FURIN: variants seen among roughly 807,000 people sequenced by gnomAD.
FURIN encodes furin, paired basic amino acid cleaving enzyme, also known as FES upstream region.
Under a neutral mutation model 89.2 loss-of-function variants are expected in FURIN, and 18 were observed. That is an observed-to-expected ratio of 0.20 (90% CI 0.14 to 0.30). FURIN has a LOEUF of 0.30. Among genes scored for constraint, FURIN ranks in the 10% least tolerant of loss-of-function variants. The pLI is 1.00. For missense variants in FURIN, 879 were observed against 1,100.5 expected (o/e 0.80, Z 2.85); for synonymous variants, 508 against 466.4 (o/e 1.09, Z -1.15).
chr15:90,874,366 A>C (rs2031488990), intron 1 of FURIN, among the ~76,000 whole-genome samples: 1 of 152,210 alleles, frequency 6.6e-6, no homozygotes, highest in Non-Finnish European at 1.5e-5. Context: ...GTGGGCGTGG[A>C]GCAAGCAAGG....
At chr15:90,878,056 G>A in intron 7 of FURIN, 76 bp from the exon 8 acceptor site, 1 of 1,451,662 alleles carries the variant, frequency 6.9e-7, no homozygotes, top group Non-Finnish European at 9.6e-7. Flanking sequence ...GCAGGGCTGG[G>A]TGTGCTCCTT....
rs924237054 is a variant in FURIN, at chr15:90,876,199, G to A, written c.178-56G>A. 2.1e-5 allele frequency: 25 copies of A among 1,175,672 alleles called. No individual in the cohort carries two copies. The highest frequency in any genetic ancestry group is 1.5e-4 in the African/African-American group (6 of 39,468). The allele number at this position is 1,175,672 out of a possible 1,614,324, so 72.8% of individuals were successfully genotyped here. On this transcript the variant is annotated intron_variant, in intron 2 of 15. Coordinates refer to ENST00000268171, the MANE Select transcript of FURIN (RefSeq NM_002569.4). This position sits in a 1 kb window ranked among gnomAD's most constrained non-coding sequence, Gnocchi z 5.0. ...AAGCCGTTGTCCACCCCCGTCCCCC[G>A]CCTCCCGGGGACTGACAGATGGAAA...
chr15:90,879,717 T>G lies in FURIN; in HGVS notation c.1201T>G (p.Ser401Ala). The G allele has an allele frequency of 6.2e-7, 1 of 1,613,778 alleles. No homozygotes were observed. The highest frequency in any genetic ancestry group is 1.1e-5 in the South Asian group (1 of 91,084). Residue 401 changes from serine (S) to alanine (A), a missense_variant, in exon 11 of 16, where the codon TCG (serine) becomes GCG (alanine). By Grantham distance (99) the Ser-to-Ala change is moderately conservative. This residue lies in a region of FURIN where 156 missense variants were observed against 243.7 expected (regional missense o/e 0.64). Coordinates refer to ENST00000268171, the MANE Select transcript of FURIN (RefSeq NM_002569.4). ...CATGCAACACCTGGTGGTACAGACC[T>G]CGAAGCCAGCCCACCTCAATGCCAA... ...RDMQHLVVQT[S>A]KPAHLNANDW... is the part of the protein sequence containing the mutation.
In FURIN at chr15:90,881,746, C is replaced by T. The variant is rs763774843; in HGVS notation, c.2253C>T (p.Thr751=). 25 of 1,610,312 alleles carry T rather than the reference C, an allele frequency of 1.6e-5. No individual in the cohort carries two copies. Among genetic ancestry groups the T allele is most frequent in the Non-Finnish European group, 2.1e-5 (25 of 1,178,220 alleles). ...GTTTTCGGGGGGTGAAGGTGTACAC[C>T]ATGGACCGTGGCCTCATCTCCTACA... The part of the protein sequence containing the change: ...GFSFRGVKVY[T]MDRGLISYKG... The change falls in exon 16 of 16, where the codon ACC becomes ACT. Residue 751 remains threonine, a synonymous_variant. Transcript: ENST00000268171. This position sits in a 1 kb window ranked among gnomAD's most constrained non-coding sequence, Gnocchi z 4.3.
chr15:90,879,794 G>C lies in FURIN; in HGVS notation c.1258+20G>C, dbSNP rs933676501. On this transcript the variant is annotated intron_variant, in intron 11 of 15. Coordinates refer to ENST00000268171, the MANE Select transcript of FURIN (RefSeq NM_002569.4). ...GGAAAGGTGAGGGCAGGCTGGCCCG[G>C]CAGGCTGGATGTGGAGTTAGGTAGA... 6.2e-7 allele frequency: 1 copy of C among 1,609,962 alleles called. No homozygotes were observed. Among genetic ancestry groups the C allele is most frequent in the Non-Finnish European group, 8.5e-7 (1 of 1,176,816 alleles).
rs1051970086 is a variant in FURIN at position 90,883,438 on chromosome 15, G to A, written c.*1560G>A. ...GTTAGAGGTTTTAAAGTGATTAAAC[G>A]TGCAGACTATGCAAACCAGGCCCAG... is the stretch of plus-strand genomic sequence containing the variant. On this transcript the variant is annotated 3_prime_UTR_variant, in exon 16 of 16. Transcript: ENST00000268171. 3 of 152,600 alleles carry A rather than the reference G, an allele frequency of 2.0e-5. No homozygotes were observed. Among genetic ancestry groups the A allele is most frequent in the East Asian group, 3.8e-4 (2 of 5,204 alleles). 9.5% of individuals were successfully genotyped at this position (152,600 alleles called of 1,614,324 possible).
Position 90,875,797 on chromosome 15 carries a change from G to A in FURIN, c.57G>A (p.Leu19=). ...TAGCAGCAACAGGAACCTTGGTCCT[G>A]CTAGCAGCTGATGCTCAGGGCCAGA... ...WVVAATGTLV[L]LAADAQGQKV... The change falls in exon 2 of 16, where the codon CTG becomes CTA. Residue 19 remains leucine, a synonymous_variant. Coordinates refer to ENST00000268171, the MANE Select transcript of FURIN (RefSeq NM_002569.4). 1 of 1,559,760 alleles carries A rather than the reference G, an allele frequency of 6.4e-7. No individual in the cohort carries two copies. Among genetic ancestry groups the A allele is most frequent in the Non-Finnish European group, 8.7e-7 (1 of 1,150,972 alleles).
Position 90,882,146 on chromosome 15 carries a change from G to A in FURIN, c.*268G>A, listed in dbSNP as rs545455100. 54 of 447,892 alleles carry A rather than the reference G, an allele frequency of 1.2e-4. 1 individual carries two copies. In the South Asian group the frequency reaches 1.2e-3, roughly 10 times the overall value. The allele number at this position is 447,892 out of a possible 1,614,324, so 27.7% of individuals were successfully genotyped here. On this transcript the variant is annotated 3_prime_UTR_variant, in exon 16 of 16. Transcript: ENST00000268171. ...CTTTAGGGCAGCTTGCCCCGGCCCC[G>A]GCCCCAGCCAGAGTTCCTGCGGAGT...
intron 1 of FURIN, among the ~76,000 whole-genome samples, chr15:90,870,933 CCTGGCAAGCGGTTGGTGT>C (rs2031254802): frequency 6.6e-6 from 1 of 152,160 alleles, no homozygotes; most frequent in South Asian, 2.1e-4. Context: ...TGGCCTGGTG[CCTGGCAAGCGGTTGGTGT>C]CTAAAAAGAA....
intron 7 of FURIN, 98 bp downstream of exon 7, chr15:90,877,713 T>C (rs992610718): frequency 5.0e-5 from 40 of 800,982 alleles, no homozygotes; most frequent in Non-Finnish European, 7.8e-5. Flanking sequence ...ACTTTCCCAC[T>C]GTGGATCCTT....
Position 90,874,495 on chromosome 15 carries a change from T to C in FURIN, c.-159-1087T>C, listed in dbSNP as rs143236127. Among the ~76,000 whole-genome samples, 269 of 152,346 alleles carry C rather than the reference T, an allele frequency of 1.8e-3. 2 individuals carry two copies. Among genetic ancestry groups the C allele is most frequent in the African/African-American group, 6.2e-3 (258 of 41,588 alleles). On this transcript the variant is annotated intron_variant, in intron 1 of 15. Transcript: ENST00000268171. ...TTGCTGATAGCGGCCATCTCAGCCA[T>C]AGAGGGAGGTGAAGCCTCTGTGATC... is the stretch of plus-strand genomic sequence containing the variant.
rs1442414103 is a variant in FURIN, at chr15:90,881,319, G to A, written c.1826G>A (p.Ser609Asn). The change falls in exon 16 of 16, where the codon AGC (serine) becomes AAC (asparagine). Residue 609 changes from serine to asparagine, a missense_variant. Physicochemically the swap from Ser to Asn is conservative, Grantham distance 46 (BLOSUM62 1). Coordinates refer to ENST00000268171, the MANE Select transcript of FURIN (RefSeq NM_002569.4). This position sits in a 1 kb window ranked among gnomAD's most constrained non-coding sequence, Gnocchi z 4.3. The part of the protein sequence containing the change: ...CEEGFSLHQK[S>N]CVQHCPPGFA... ...GAAGGCTTCTCCCTGCACCAGAAGA[G>A]CTGTGTCCAGCACTGCCCTCCAGGG... The A allele has an allele frequency of 6.2e-7, 1 of 1,608,952 alleles. No homozygotes were observed. The highest frequency in any genetic ancestry group is 8.5e-7 in the Non-Finnish European group (1 of 1,176,936).
Position 90,876,647 on chromosome 15 carries a change from G to C in FURIN, c.372+90G>C. The C allele has an allele frequency of 1.1e-6, 1 of 923,848 alleles. No homozygotes were observed. The highest frequency in any genetic ancestry group is 1.8e-6 in the Non-Finnish European group (1 of 569,068). The allele number at this position is 923,848 out of a possible 1,614,324, so 57.2% of individuals were successfully genotyped here. ...TTGGATGGAGGAGGCTGTCTTCGAG[G>C]CCTCCTCTGATTCGTTTCCTTTCCT... On this transcript the variant is annotated intron_variant, in intron 4 of 15. Transcript: ENST00000268171. The surrounding 1 kb of genome is among the most constrained non-coding windows in gnomAD (Gnocchi z 5.0).
intron 1 of FURIN, among the ~76,000 whole-genome samples, chr15:90,870,481 T>TC (rs201294489): frequency 2.0e-5 from 3 of 151,950 alleles, no homozygotes; most frequent in Non-Finnish European, 4.4e-5. Flanking sequence ...ATTTTTTTTT[T>TC]CCCATTACCC....
At chr15:90,877,488 C>G in intron 6 of FURIN, 39 bp from the exon 7 acceptor site, 2 of 1,499,032 alleles carry the variant, frequency 1.3e-6, no homozygotes, top group Non-Finnish European at 1.8e-6. Context: ...CCTGTTCACC[C>G]CATTTGTTCT....
In FURIN at chr15:90,881,172, A is replaced by G; in HGVS notation, c.1793-114A>G. ...CCCCTGGGGCTCTTGGGATGACCAC[A>G]GTCCTGGGGCTGGAGGATCCTGGGG... On this transcript the variant is annotated intron_variant, in intron 15 of 15. Transcript: ENST00000268171. This position sits in a 1 kb window ranked among gnomAD's most constrained non-coding sequence, Gnocchi z 4.3. 9.1e-7 allele frequency: 1 copy of G among 1,095,336 alleles called. No homozygotes were observed. The highest frequency in any genetic ancestry group is 1.3e-6 in the Non-Finnish European group (1 of 741,750). The allele number at this position is 1,095,336 out of a possible 1,614,324, so 67.9% of individuals were successfully genotyped here.
chr15:90,876,660 C>A lies in FURIN; in HGVS notation c.372+103C>A, dbSNP rs1403152606. On this transcript the variant is annotated intron_variant, in intron 4 of 15. Transcript: ENST00000268171. This position sits in a 1 kb window ranked among gnomAD's most constrained non-coding sequence, Gnocchi z 5.0. The stretch of plus-strand genomic sequence containing the variant: ...GCTGTCTTCGAGGCCTCCTCTGATT[C>A]GTTTCCTTTCCTCCTGCTGGGCAGT... 1 of 871,822 alleles carries A rather than the reference C, an allele frequency of 1.1e-6. No individual in the cohort carries two copies. The highest frequency in any genetic ancestry group is 1.4e-5 in the South Asian group (1 of 70,124). The allele number at this position is 871,822 out of a possible 1,614,324, so 54.0% of individuals were successfully genotyped here. A position where few individuals can be genotyped will look rare whatever the true frequency, so the allele number is the denominator to read the frequency against.
chr15:90,874,351 G>A (rs968920720), intron 1 of FURIN, among the ~76,000 whole-genome samples: 10 of 152,268 alleles, frequency 6.6e-5, no homozygotes, highest in African/African-American at 2.4e-4. Context: ...GATTACGCAA[G>A]GCTGGTGGGC....
In FURIN at chr15:90,877,230, C is replaced by A. The variant is rs752436914; in HGVS notation, c.578+19C>A. 2 of 1,562,098 alleles carry A rather than the reference C, an allele frequency of 1.3e-6. No homozygotes were observed. Among genetic ancestry groups the A allele is most frequent in the Non-Finnish European group, 1.7e-6 (2 of 1,145,910 alleles). ...ACAACAGGTAAGAAGTGGCAGGCCC[C>A]GGTCTCTGCCTCCCTTCTCCTTTCT... On this transcript the variant is annotated intron_variant, in intron 6 of 15. Coordinates refer to ENST00000268171, the MANE Select transcript of FURIN (RefSeq NM_002569.4).
Sources: gnomAD v4.1 joint callset for allele counts (sites outside exome capture counted in the v4.1 genomes callset) on GRCh38, gnomAD v4.1.1 for gene constraint, gnomAD v4.1.1 regional missense constraint, Gnocchi (gnomAD v3.1) non-coding constraint, MANE v1.5 for transcripts, NCBI Gene and HGNC (gene_info 2026-07-23, HGNC 2026-07-21) for gene names.